RIT2: variants seen among roughly 807,000 people sequenced by gnomAD.
The protein encoded by RIT2 is Ras like without CAAX 2.
A neutral mutation model predicts 23.7 loss-of-function variants in RIT2; 24 were observed. The ratio of observed to expected loss-of-function variants is 1.01; its 90% CI spans 0.73 to 1.43. The LOEUF is 1.43. Ranked by LOEUF, RIT2 falls within the 40% of genes most tolerant of loss-of-function variation. The pLI is 0.00. For synonymous variants in RIT2, 107 were observed against 91.1 expected (o/e 1.17, Z -0.99); for missense variants, 236 against 266.9 (o/e 0.88, Z 0.81).
chr18:43,032,321 C>T (rs151156653), intron 2 of RIT2, among the ~76,000 whole-genome samples: 7 of 151,994 alleles, frequency 4.6e-5, no homozygotes, highest in South Asian at 2.1e-4. Flanking sequence ...AGCTGTTAGA[C>T]GTGAGAGGTT....
chr18:42,962,856 G>T (rs1459561371), intron 3 of RIT2, among the ~76,000 whole-genome samples: 1 of 152,024 alleles, frequency 6.6e-6, no homozygotes, highest in Admixed American at 6.6e-5. Context: ...CTTCACAAAT[G>T]GTCTGCAGGA....
intron 4 of RIT2, among the ~76,000 whole-genome samples, chr18:42,909,379 C>T (rs973587782): frequency 3.9e-5 from 6 of 152,002 alleles, no homozygotes; most frequent in East Asian, 1.9e-4. Context: ...ACAGTGTACA[C>T]GGCTCAGGTT....
chr18:43,086,812 C>G (rs1329924393), intron 1 of RIT2, among the ~76,000 whole-genome samples: 1 of 152,086 alleles, frequency 6.6e-6, no homozygotes, highest in Non-Finnish European at 1.5e-5. Flanking sequence ...TGGGCAAATG[C>G]CACACTAAAT....
chr18:43,008,079 C>A (rs1218469056), intron 2 of RIT2, among the ~76,000 whole-genome samples: 1 of 151,628 alleles, frequency 6.6e-6, no homozygotes. Context: ...CCACAAAATA[C>A]CAAATCTGAA....
intron 4 of RIT2, among the ~76,000 whole-genome samples, chr18:42,918,005 T>C (rs1370438928): frequency 2.0e-5 from 3 of 152,202 alleles, no homozygotes; most frequent in African/African-American, 7.2e-5. Context: ...TGTGTATGTA[T>C]GCATGCATAT....
At chr18:42,753,167 G>A (rs909550915) in intron 4 of RIT2, among the ~76,000 whole-genome samples, 1 of 152,186 alleles carries the variant, frequency 6.6e-6, no homozygotes, top group Admixed American at 6.5e-5. Flanking sequence ...CTAGTGGGAA[G>A]CGGCAAGCAT....
intron 4 of RIT2, among the ~76,000 whole-genome samples, chr18:42,800,554 G>A (rs900313005): frequency 5.8e-5 from 8 of 136,892 alleles, no homozygotes; most frequent in African/African-American, 2.1e-4. Flanking sequence ...ACGGAGTCTC[G>A]CTCTGTCGCC....
At chr18:42,946,897 T>C (rs1909740442) in intron 3 of RIT2, among the ~76,000 whole-genome samples, 1 of 152,036 alleles carries the variant, frequency 6.6e-6, no homozygotes. Flanking sequence ...ATACCTAAGC[T>C]TTAGAAGTGC....
intron 4 of RIT2, among the ~76,000 whole-genome samples, chr18:42,915,936 G>A (rs1908897848): frequency 6.6e-6 from 1 of 151,536 alleles, no homozygotes; most frequent in Non-Finnish European, 1.5e-5. Flanking sequence ...CACCATATGT[G>A]TATATATATT....
intron 4 of RIT2, among the ~76,000 whole-genome samples, chr18:42,922,644 A>G (rs560051646): frequency 1.8e-4 from 28 of 152,302 alleles, no homozygotes; most frequent in African/African-American, 6.3e-4. Flanking sequence ...GGAGGAAGCC[A>G]TCATAGTTCG....
At chr18:42,952,111 T>A (rs990488777) in intron 3 of RIT2, among the ~76,000 whole-genome samples, 1 of 152,120 alleles carries the variant, frequency 6.6e-6, no homozygotes, top group Admixed American at 6.6e-5. Context: ...CCTCCCATGT[T>A]ACATGGGTAT....
intron 4 of RIT2, among the ~76,000 whole-genome samples, chr18:42,766,339 G>C (rs1173748245): frequency 1.3e-5 from 2 of 152,150 alleles, no homozygotes; most frequent in South Asian, 2.1e-4. Flanking sequence ...TGAGGAATTT[G>C]TTGGGAACTG....
chr18:43,041,664 G>A (rs916439005), intron 1 of RIT2, among the ~76,000 whole-genome samples: 20 of 152,014 alleles, frequency 1.3e-4, no homozygotes, highest in South Asian at 2.1e-4. Context: ...TTGTGTGGAC[G>A]TCTTTTTTCA....
chr18:42,936,613 C>T (rs1418307629), intron 3 of RIT2, among the ~76,000 whole-genome samples: 2 of 152,180 alleles, frequency 1.3e-5, no homozygotes, highest in Non-Finnish European at 2.9e-5. Flanking sequence ...CTTTTATGCA[C>T]TATCATACTT....
chr18:42,869,416 G>C (rs557301593), intron 4 of RIT2, among the ~76,000 whole-genome samples: 209 of 152,314 alleles, frequency 1.4e-3, no homozygotes, highest in African/African-American at 4.8e-3. Flanking sequence ...CATTGCCTGG[G>C]TTTTGGGGAC....
intron 2 of RIT2, among the ~76,000 whole-genome samples, chr18:42,992,433 T>C (rs1196985355): frequency 6.6e-6 from 1 of 152,158 alleles, no homozygotes; most frequent in South Asian, 2.1e-4. Flanking sequence ...CCAATGCAAC[T>C]CGTCCCAAAT....
chr18:42,816,191 AC>A (rs906880684), intron 4 of RIT2, among the ~76,000 whole-genome samples: 5 of 151,752 alleles, frequency 3.3e-5, no homozygotes, highest in South Asian at 2.1e-4. Flanking sequence ...TGGTATAAAT[AC>A]CCCCCCATGG....
At chr18:42,766,413 G>A (rs1042066223) in intron 4 of RIT2, among the ~76,000 whole-genome samples, 5 of 152,096 alleles carry the variant, frequency 3.3e-5, no homozygotes, top group Non-Finnish European at 7.3e-5. Context: ...CCTGCCTTAG[G>A]GATTTATGGA....
At chr18:42,795,934 T>C (rs1007363446) in intron 4 of RIT2, among the ~76,000 whole-genome samples, 2 of 152,064 alleles carry the variant, frequency 1.3e-5, no homozygotes, top group African/African-American at 4.8e-5. Flanking sequence ...AACCTTTGTG[T>C]CTAGCCCAGG....
Sources: gnomAD v4.1 joint callset for allele counts (sites outside exome capture counted in the v4.1 genomes callset) on GRCh38, gnomAD v4.1.1 for gene constraint, MANE v1.5 for transcripts, NCBI Gene and HGNC (gene_info 2026-07-23, HGNC 2026-07-21) for gene names.